ZNF225: variants seen among roughly 807,000 people sequenced by gnomAD.
ZNF225 encodes the protein zinc finger protein 225.
In ZNF225, 6 loss-of-function variants were observed where a neutral mutation model predicts 12.0. The ratio of observed to expected loss-of-function variants is 0.50; its 90% CI spans 0.27 to 0.98. The LOEUF (loss-of-function observed/expected upper bound fraction) is 0.98. Among genes scored for constraint, ZNF225 ranks in the 50% least tolerant of loss-of-function variants. The pLI, the probability that ZNF225 is intolerant of heterozygous loss-of-function variation, is 0.11. For synonymous variants in ZNF225, 271 were observed against 283.2 expected (o/e 0.96, Z 0.43); for missense variants, 763 against 848.2 (o/e 0.90, Z 1.25).
Position 44,130,982 on chromosome 19 carries a change from A to G in ZNF225, c.368A>G (p.Gln123Arg). Residue 123 changes from glutamine (Q) to arginine (R), a missense_variant, in exon 5 of 5, where the codon CAG (glutamine) becomes CGG (arginine). Coordinates refer to ENST00000262894, the MANE Select transcript of ZNF225 (RefSeq NM_013362.4). ...CAAGACTCCATGGTAAACAGCTTTCAGTTCTCCAAACAAGATGATATGCCC... is the reference window on the plus strand; with the variant it reads ...CAAGACTCCATGGTAAACAGCTTTCGGTTCTCCAAACAAGATGATATGCCC... ...RFQDSMVNSF[Q>R]FSKQDDMPCQ... 1 of 1,614,066 alleles carries G rather than the reference A, an allele frequency of 6.2e-7. No individual in the cohort carries two copies. The highest frequency in any genetic ancestry group is 8.5e-7 in the Non-Finnish European group (1 of 1,179,932).
intron 4 of ZNF225, among the ~76,000 whole-genome samples, chr19:44,120,077 C>T (rs936905510): frequency 2.0e-5 from 3 of 152,078 alleles, no homozygotes; most frequent in Non-Finnish European, 4.4e-5. Context: ...ATTTGCCAGG[C>T]GTGGTAGTGT....
intron 2 of ZNF225, among the ~76,000 whole-genome samples, chr19:44,116,576 GA>G (rs545289873): frequency 2.0e-3 from 303 of 152,196 alleles, no homozygotes; most frequent in African/African-American, 6.8e-3. Context: ...TTGTATATTT[GA>G]AACAGATAAA....
upstream of ZNF225, chr19:44,112,394 G>A (rs919334063): frequency 1.3e-5 from 2 of 152,066 alleles, no homozygotes; most frequent in African/African-American, 4.8e-5. Context: ...AAGCCTTACC[G>A]AGGGCTCCCA....
chr19:44,133,502 A>G lies in ZNF225; in HGVS notation c.*767A>G, dbSNP rs1968329061. ...CTTCAGCTGTCCTCATACATAATGC[A>G]TGTGAGCTCGCTTTAAGCATAAGTG... is the stretch of plus-strand genomic sequence containing the variant. On this transcript the variant is annotated 3_prime_UTR_variant, in exon 5 of 5. Transcript: ENST00000262894. The G allele has an allele frequency of 6.6e-6, 1 of 152,214 alleles. No individual in the cohort carries two copies. Among genetic ancestry groups the G allele is most frequent in the Non-Finnish European group, 1.5e-5 (1 of 68,036 alleles). The allele number at this position is 152,214 out of a possible 1,614,324, so 9.4% of individuals were successfully genotyped here.
In ZNF225 at chr19:44,131,577, T is replaced by C. The variant is rs1468015045; in HGVS notation, c.963T>C (p.Cys321=). ...MREKPFRCDT[C]GKSFGLKSAL... ...AGAAACCATTCAGATGTGATACATG[T>C]GGTAAGAGCTTTGGTCTGAAATCAG... Residue 321 remains cysteine, a synonymous_variant, in exon 5 of 5, where the codon TGT becomes TGC. Coordinates refer to ENST00000262894, the MANE Select transcript of ZNF225 (RefSeq NM_013362.4). 1 of 1,613,982 alleles carries C rather than the reference T, an allele frequency of 6.2e-7. No homozygotes were observed. The highest frequency in any genetic ancestry group is 2.2e-5 in the East Asian group (1 of 44,900).
At chr19:44,125,659 C>T (rs1308655249) in intron 4 of ZNF225, among the ~76,000 whole-genome samples, 2 of 152,226 alleles carry the variant, frequency 1.3e-5, no homozygotes, top group Non-Finnish European at 2.9e-5. Flanking sequence ...TCTTCTTCCT[C>T]AGGAACACTG....
At chr19:44,127,988 C>T (rs2147570380) in intron 4 of ZNF225, among the ~76,000 whole-genome samples, 2 of 152,314 alleles carry the variant, frequency 1.3e-5, no homozygotes, top group Middle Eastern at 3.4e-3. Flanking sequence ...CCTTCTGAAA[C>T]AGCTCTCCTA....
At chr19:44,112,173 ATCT>A (rs1176307515), upstream of ZNF225, 2 of 152,242 alleles carry the variant, frequency 1.3e-5, no homozygotes, top group East Asian at 1.9e-4. Flanking sequence ...CCCCACCCTA[ATCT>A]TCTTATGCAA....
intron 4 of ZNF225, 102 bp downstream of exon 4, chr19:44,118,676 C>T (rs1042852955): frequency 8.5e-7 from 1 of 1,178,906 alleles, no homozygotes; most frequent in Non-Finnish European, 1.2e-6. Context: ...GGCCAGACCT[C>T]TTTCCTGAAT....
At chr19:44,117,975 T>C (rs1967973680) in intron 2 of ZNF225, among the ~76,000 whole-genome samples, 1 of 151,966 alleles carries the variant, frequency 6.6e-6, no homozygotes, top group African/African-American at 2.4e-5. Flanking sequence ...GCCAAGATCA[T>C]GCCACTGCAC....
Position 44,130,904 on chromosome 19 carries a change from G to C in ZNF225, c.290G>C (p.Gly97Ala). The stretch of plus-strand genomic sequence containing the variant: ...GTTTCAGAATCAGGAACACATGAAG[G>C]CTTGTTCAGTCATCAAACCTGGGAA... ...ETVSESGTHEGLFSHQTWEQI... is the reference protein window; with the variant it reads ...ETVSESGTHEALFSHQTWEQI... The change falls in exon 5 of 5, where the codon GGC (glycine) becomes GCC (alanine). Residue 97 changes from glycine to alanine, a missense_variant. Physicochemically the swap from Gly to Ala is moderately conservative, Grantham distance 60 (BLOSUM62 0). Coordinates refer to ENST00000262894, the MANE Select transcript of ZNF225 (RefSeq NM_013362.4). The C allele has an allele frequency of 6.2e-7, 1 of 1,613,960 alleles. No homozygotes were observed. Among genetic ancestry groups the C allele is most frequent in the Non-Finnish European group, 8.5e-7 (1 of 1,179,982 alleles).
intron 4 of ZNF225, among the ~76,000 whole-genome samples, chr19:44,121,489 C>A (rs1968056075): frequency 6.6e-6 from 1 of 152,190 alleles, no homozygotes; most frequent in Non-Finnish European, 1.5e-5. Context: ...GTAATGACTT[C>A]TTTTCCTCTG....
At chr19:44,127,046 T>C (rs1358013593) in intron 4 of ZNF225, among the ~76,000 whole-genome samples, 1 of 152,254 alleles carries the variant, frequency 6.6e-6, no homozygotes, top group Non-Finnish European at 1.5e-5. Context: ...CCCCAAGTTC[T>C]GGCCAGGAGG....
chr19:44,131,353 C>CT lies in ZNF225; in HGVS notation c.742dup (p.Tyr248LeufsTer5), dbSNP rs1249774365. On this transcript the variant is annotated frameshift_variant, in exon 5 of 5. Transcript: ENST00000262894. LOFTEE classifies it low-confidence loss of function (END_TRUNC). ...GAAAGGCTTTAGTCGTAGATCAGGA[C>CT]TTTATGTTCATCGTAAATTACACAC... is the stretch of plus-strand genomic sequence containing the variant. 1 of 1,614,032 alleles carries CT rather than the reference C, an allele frequency of 6.2e-7. No homozygotes were observed. The highest frequency in any genetic ancestry group is 1.3e-5 in the African/African-American group (1 of 74,912).
intron 4 of ZNF225, among the ~76,000 whole-genome samples, chr19:44,119,069 G>A (rs1442729038): frequency 2.6e-5 from 4 of 152,152 alleles, no homozygotes; most frequent in Non-Finnish European, 5.9e-5. Context: ...GCCCGCCTTG[G>A]CCTCCCAAAG....
In ZNF225 at chr19:44,131,758, A is replaced by C; in HGVS notation, c.1144A>C (p.Arg382=). 1.2e-6 allele frequency: 2 copies of C among 1,614,234 alleles called. No individual in the cohort carries two copies. The highest frequency in any genetic ancestry group is 1.7e-6 in the Non-Finnish European group (2 of 1,180,034). Residue 382 remains arginine (R), a synonymous_variant, in exon 5 of 5, where the codon AGA becomes CGA. Transcript: ENST00000262894. ...YNCKECGKSF[R]WASGLSRHVR... ...TTGTAAAGAATGTGGAAAGAGCTTC[A>C]GATGGGCCTCAGGTCTTTCAAGACA...
chr19:44,114,156 G>T lies in ZNF225; in HGVS notation c.-69+587G>T, dbSNP rs1206633641. 4.2e-6 allele frequency: 4 copies of T among 942,840 alleles called. No individual in the cohort carries two copies. The South Asian group carries it at 5.9e-5, about 14-fold the overall frequency. The allele number at this position is 942,840 out of a possible 1,614,324, so 58.4% of individuals were successfully genotyped here. On this transcript the variant is annotated intron_variant, in intron 1 of 4. Coordinates refer to ENST00000262894, the MANE Select transcript of ZNF225 (RefSeq NM_013362.4). The stretch of plus-strand genomic sequence containing the variant: ...TCACAGCCTTCTCCTTACCCAGCCC[G>T]ACCTTTCCAAAAGAGCTGCAGGGAG...
At chr19:44,114,717 G>T (rs1967903810) in intron 1 of ZNF225, among the ~76,000 whole-genome samples, 1 of 152,156 alleles carries the variant, frequency 6.6e-6, no homozygotes, top group Non-Finnish European at 1.5e-5. Flanking sequence ...CACCATGTTG[G>T]CCAGGCTGGT....
chr19:44,132,211 G>C lies in ZNF225; in HGVS notation c.1597G>C (p.Val533Leu), dbSNP rs772899590. ...TTCACAACTTTATTCTCATCGCAGAGTCCACACTGGAGTAAAGCCATACAA... is the reference window on the plus strand; with the variant it reads ...TTCACAACTTTATTCTCATCGCAGACTCCACACTGGAGTAAAGCCATACAA... ...QNSQLYSHRR[V>L]HTGVKPYKCE... The change falls in exon 5 of 5, where the codon GTC (valine) becomes CTC (leucine). Residue 533 changes from valine (V) to leucine (L), a missense_variant. By Grantham distance (32) the Val-to-Leu change is conservative. Coordinates refer to ENST00000262894, the MANE Select transcript of ZNF225 (RefSeq NM_013362.4). 8 of 1,614,074 alleles carry C rather than the reference G, an allele frequency of 5.0e-6. No individual in the cohort carries two copies. In the South Asian group the frequency reaches 8.8e-5, roughly 18 times the overall value.
Sources: gnomAD v4.1 joint callset for allele counts (sites outside exome capture counted in the v4.1 genomes callset) on GRCh38, gnomAD v4.1.1 for gene constraint, MANE v1.5 for transcripts, NCBI Gene and HGNC (gene_info 2026-07-23, HGNC 2026-07-21) for gene names.